Variants in BTG3 observed in about 807,000 individuals in gnomAD.
BTG3 encodes BTG anti-proliferation factor 3, also known as protein BTG3.
In BTG3, 4 loss-of-function variants were observed where a neutral mutation model predicts 25.8. The observed-to-expected ratio is 0.16, with a 90% CI of 0.08 to 0.36. The LOEUF (loss-of-function observed/expected upper bound fraction) is 0.36. BTG3 is among the 10% of genes least tolerant of loss of function. BTG3 has a pLI of 1.00. For synonymous variants in BTG3, 107 were observed against 99.9 expected, an observed-to-expected ratio of 1.07 and a Z score of -0.42; for missense variants, 201 against 304.9, an observed-to-expected ratio of 0.66 and a Z score of 2.54.
chr21:17,610,379 G>A (rs186640575), intron 1 of BTG3, among the ~76,000 whole-genome samples: 2 of 152,148 alleles, frequency 1.3e-5, no homozygotes, highest in East Asian at 1.9e-4. Context: ...TTGACTTTCC[G>A]AAAGTACTCT....
intron 4 of BTG3, among the ~76,000 whole-genome samples, chr21:17,598,141 T>C (rs2061527163): frequency 6.6e-6 from 1 of 152,160 alleles, no homozygotes. Flanking sequence ...ACACTAGCTA[T>C]ATGACTTTTC....
intron 1 of BTG3, among the ~76,000 whole-genome samples, chr21:17,610,201 T>C (rs1286441877): frequency 2.0e-5 from 3 of 152,192 alleles, no homozygotes; most frequent in African/African-American, 7.2e-5. Context: ...TGCTAATAAG[T>C]ACAGGGTTAC....
At position 17,604,988 on chromosome 21, in the gene BTG3, A is replaced by C; in HGVS notation, c.183T>G (p.Arg61=). The C allele has an allele frequency of 1.2e-6, 2 of 1,614,018 alleles. No individual in the cohort carries two copies. Among genetic ancestry groups the C allele is most frequent in the Non-Finnish European group, 1.7e-6 (2 of 1,179,972 alleles). The change falls in exon 3 of 5, where the codon CGT becomes CGG. Residue 61 remains arginine, a synonymous_variant. Transcript: ENST00000348354. The part of the protein sequence containing the change: ...PSKGQAYRCI[R]VNKFQRVDPD... ...GATCAACTCTCTGAAATTTATTGACACGAATACATCTACAACAAAGTGGAG... is the reference window on the plus strand; with the variant it reads ...GATCAACTCTCTGAAATTTATTGACCCGAATACATCTACAACAAAGTGGAG...
Position 17,597,134 on chromosome 21 carries a change from C to T in BTG3, c.519+1483G>A, listed in dbSNP as rs141845022. Among the ~76,000 whole-genome samples the T allele has an allele frequency of 1.6e-3, 236 of 152,094 alleles. 2 individuals carry two copies. Among genetic ancestry groups the T allele is most frequent in the African/African-American group, 5.5e-3 (229 of 41,542 alleles). ...TCCTTAAAAAGCACGTAAGAGACAC[C>T]TCAATTTCCATACCTTTCTGTTATC... On this transcript the variant is annotated intron_variant, in intron 4 of 4. Transcript: ENST00000348354.
At position 17,595,539 on chromosome 21, in the gene BTG3, T is replaced by C. The variant is rs563187436; in HGVS notation, c.520-1207A>G. 7.2e-5 allele frequency among the ~76,000 whole-genome samples: 11 copies of C among 152,142 alleles called. 1 individual carries two copies. In the South Asian group the frequency reaches 2.3e-3, roughly 32 times the overall value. On this transcript the variant is annotated intron_variant, in intron 4 of 4. Coordinates refer to ENST00000348354, the MANE Select transcript of BTG3 (RefSeq NM_006806.5). Reference sequence around the variant, plus strand: ...ATATGTATACTGGATTGTATCCTGCTTTTTACATTTCATAATAATACATTT... The same window carrying C: ...ATATGTATACTGGATTGTATCCTGCCTTTTACATTTCATAATAATACATTT...
At chr21:17,604,792 C>T (rs971488254) in intron 3 of BTG3, 68 bp downstream of exon 3, 1 of 1,541,292 alleles carries the variant, frequency 6.5e-7, no homozygotes, top group African/African-American at 1.4e-5. Context: ...GCAGGCCGTA[C>T]ATGACAGAAT....
intron 2 of BTG3, 60 bp from the exon 3 acceptor site, chr21:17,605,057 T>C: frequency 1.3e-6 from 2 of 1,561,682 alleles, no homozygotes; most frequent in Non-Finnish European, 1.7e-6. Flanking sequence ...AACGCCGTAA[T>C]ATCTATTCAT....
chr21:17,608,250 A>G (rs2061671050), intron 2 of BTG3, among the ~76,000 whole-genome samples: 1 of 152,148 alleles, frequency 6.6e-6, no homozygotes, highest in Admixed American at 6.5e-5. Flanking sequence ...GCACATGTCT[A>G]TAATCCTAGC....
chr21:17,612,483 C>T (rs1281010242), intron 1 of BTG3: 1 of 152,192 alleles, frequency 6.6e-6, no homozygotes, highest in Non-Finnish European at 1.5e-5. Flanking sequence ...GCCGAGGGTC[C>T]CGCGGAAAGC....
chr21:17,600,642 G>A (rs990539345), intron 3 of BTG3, among the ~76,000 whole-genome samples: 41 of 151,846 alleles, frequency 2.7e-4, no homozygotes, highest in African/African-American at 9.4e-4. Context: ...GTAACATGGT[G>A]AGACCCTGTC....
intron 2 of BTG3, among the ~76,000 whole-genome samples, chr21:17,606,705 C>T (rs2061647794): frequency 6.6e-6 from 1 of 151,946 alleles, no homozygotes. Context: ...CTACATACTA[C>T]TTATCCATTA....
intron 2 of BTG3, among the ~76,000 whole-genome samples, chr21:17,607,969 G>C (rs2061667197): frequency 6.6e-6 from 1 of 152,214 alleles, no homozygotes. Flanking sequence ...ACAAAAGACA[G>C]CTCCAAGTGA....
In BTG3 at chr21:17,594,162, C is replaced by A; in HGVS notation, c.690G>T (p.Trp230Cys). 2 of 1,613,178 alleles carry A rather than the reference C, an allele frequency of 1.2e-6. No homozygotes were observed. Among genetic ancestry groups the A allele is most frequent in the South Asian group, 1.1e-5 (1 of 91,050 alleles). The change falls in exon 5 of 5, where the codon TGG becomes TGT. Residue 230 changes from tryptophan to cysteine, a missense_variant. Physicochemically the swap from Trp to Cys is radical, Grantham distance 215 (BLOSUM62 -2). This residue lies in a region of BTG3 where 131 missense variants were observed against 129.3 expected (regional missense o/e 1.01). Transcript: ENST00000348354. Reference protein sequence around the residue: ...NKPYRPIPVTWVPPPGMHCDR... With the variant: ...NKPYRPIPVTCVPPPGMHCDR... ...CACAATGCATTCCAGGAGGAGGTACCCATGTCACTGGAATTGGGCGATATG... is the reference window on the plus strand; with the variant it reads ...CACAATGCATTCCAGGAGGAGGTACACATGTCACTGGAATTGGGCGATATG...
chr21:17,609,181 AAAAC>A, intron 1 of BTG3, 29 bp from the exon 2 acceptor site: 1 of 1,589,382 alleles, frequency 6.3e-7, no homozygotes, highest in Non-Finnish European at 8.5e-7. Flanking sequence ...TTTTCTCAGA[AAAAC>A]AAAATATAAA....
chr21:17,598,909 T>C lies in BTG3; in HGVS notation c.312-85A>G, dbSNP rs1047050753. On this transcript the variant is annotated intron_variant, in intron 3 of 4. Coordinates refer to ENST00000348354, the MANE Select transcript of BTG3 (RefSeq NM_006806.5). Reference sequence around the variant, plus strand: ...CCATAAAAACAAAGAGATCTGGACATGCCATCAATACAAGGCAAAGATTGA... The same window carrying C: ...CCATAAAAACAAAGAGATCTGGACACGCCATCAATACAAGGCAAAGATTGA... 24 of 1,029,906 alleles carry C rather than the reference T, an allele frequency of 2.3e-5. No homozygotes were observed. The Admixed American group carries it at 6.0e-4, about 26-fold the overall frequency. 63.8% of individuals were successfully genotyped at this position (1,029,906 alleles called of 1,614,324 possible).
intron 4 of BTG3, among the ~76,000 whole-genome samples, chr21:17,595,551 A>T (rs2061493828): frequency 6.6e-6 from 1 of 152,034 alleles, no homozygotes; most frequent in Admixed American, 6.6e-5. Flanking sequence ...TTTACATTTC[A>T]TAATAATACA....
intron 3 of BTG3, among the ~76,000 whole-genome samples, chr21:17,601,125 T>C (rs2061568574): frequency 6.6e-6 from 1 of 150,860 alleles, no homozygotes; most frequent in African/African-American, 2.5e-5. Flanking sequence ...ATCGCACCAC[T>C]GCACTCCAGC....
intron 3 of BTG3, among the ~76,000 whole-genome samples, chr21:17,599,723 ACCCGCCTCGGCCT>A (rs2061548823): frequency 6.6e-6 from 1 of 151,690 alleles, no homozygotes. Context: ...CAGGTGATCC[ACCCGCCTCGGCCT>A]CCCAAAGTGC....
intron 4 of BTG3, 105 bp from the exon 5 acceptor site, chr21:17,594,437 A>T: frequency 1.7e-5 from 22 of 1,288,514 alleles, no homozygotes; most frequent in African/African-American, 4.5e-5. Context: ...CACTGAGATC[A>T]CATCTAAGTG....
Sources: gnomAD v4.1 joint callset for allele counts (sites outside exome capture counted in the v4.1 genomes callset) on GRCh38, gnomAD v4.1.1 for gene constraint, gnomAD v4.1.1 regional missense constraint, MANE v1.5 for transcripts, NCBI Gene and HGNC (gene_info 2026-07-23, HGNC 2026-07-21) for gene names.